CREBBP: variants seen among roughly 807,000 people sequenced by gnomAD.
CREBBP encodes CREB binding lysine acetyltransferase, also known as CREB-binding protein.
Under a neutral mutation model 265.0 loss-of-function variants are expected in CREBBP, and 19 were observed. That is an observed-to-expected ratio of 0.07 (90% CI 0.05 to 0.11). CREBBP has a LOEUF of 0.11. CREBBP is among the 10% of genes least tolerant of loss of function. The pLI is 1.00. For missense variants in CREBBP, 2,525 were observed against 3,219.0 expected (o/e 0.78, Z 5.22); for synonymous variants, 1,457 against 1,223.7 (o/e 1.19, Z -3.98).
At chr16:3,827,964 T>C (rs557282974) in intron 2 of CREBBP, among the ~76,000 whole-genome samples, 44 of 152,326 alleles carry the variant, frequency 2.9e-4, no homozygotes, top group African/African-American at 9.6e-4. Flanking sequence ...AGTGTTGGGA[T>C]TGCAGGTGTG....
intron 1 of CREBBP, among the ~76,000 whole-genome samples, chr16:3,861,503 G>A (rs1046455406): frequency 1.3e-5 from 2 of 152,056 alleles, no homozygotes; most frequent in Admixed American, 6.6e-5. Context: ...CAGAGCAGGC[G>A]CTCAACAGCC....
chr16:3,859,518 G>T (rs117688490), intron 1 of CREBBP, among the ~76,000 whole-genome samples: 1 of 152,180 alleles, frequency 6.6e-6, no homozygotes, highest in Non-Finnish European at 1.5e-5. Context: ...GTATGCTCAC[G>T]AATTGACTGA....
At chr16:3,853,860 C>T (rs1409878040) in intron 1 of CREBBP, among the ~76,000 whole-genome samples, 1 of 152,050 alleles carries the variant, frequency 6.6e-6, no homozygotes, top group Non-Finnish European at 1.5e-5. Context: ...TCGCTTGAAC[C>T]TGGGAGGTGG....
At chr16:3,838,010 C>A (rs1007632480) in intron 2 of CREBBP, among the ~76,000 whole-genome samples, 3 of 152,146 alleles carry the variant, frequency 2.0e-5, no homozygotes, top group East Asian at 3.8e-4. Flanking sequence ...CACCCGCCCA[C>A]CCCTGCCACA....
chr16:3,865,172 C>T (rs1462893577), intron 1 of CREBBP, among the ~76,000 whole-genome samples: 2 of 152,232 alleles, frequency 1.3e-5, no homozygotes, highest in Non-Finnish European at 2.9e-5. Context: ...GGAAAATTTG[C>T]TATGATCAAA....
At chr16:3,822,732 C>G (rs1180081201) in intron 2 of CREBBP, among the ~76,000 whole-genome samples, 1 of 152,230 alleles carries the variant, frequency 6.6e-6, no homozygotes, top group Non-Finnish European at 1.5e-5. Flanking sequence ...ATATGTGGCT[C>G]TACCTCTTAA....
chr16:3,785,302 C>A (rs2053359861), intron 5 of CREBBP, among the ~76,000 whole-genome samples: 1 of 152,250 alleles, frequency 6.6e-6, no homozygotes, highest in Non-Finnish European at 1.5e-5. Context: ...TGTATTCACT[C>A]ACTCACGTGA....
intron 3 of CREBBP, among the ~76,000 whole-genome samples, chr16:3,806,690 T>C (rs1396007795): frequency 6.6e-6 from 1 of 152,008 alleles, no homozygotes; most frequent in Non-Finnish European, 1.5e-5. Flanking sequence ...CTTGAACTTC[T>C]CCTCCTCACT....
chr16:3,791,628 T>C (rs2053509894), intron 5 of CREBBP, among the ~76,000 whole-genome samples: 1 of 152,184 alleles, frequency 6.6e-6, no homozygotes, highest in African/African-American at 2.4e-5. Flanking sequence ...TATAGCGACA[T>C]GGAATTTAAA....
intron 2 of CREBBP, among the ~76,000 whole-genome samples, chr16:3,825,009 G>C (rs1017947250): frequency 2.0e-5 from 3 of 152,166 alleles, no homozygotes; most frequent in Admixed American, 1.3e-4. Context: ...GTGCAATCTT[G>C]AGGTGGCTCT....
At chr16:3,816,994 CCTTT>C (rs1465852673) in intron 2 of CREBBP, among the ~76,000 whole-genome samples, 2 of 152,116 alleles carry the variant, frequency 1.3e-5, no homozygotes, top group Non-Finnish European at 2.9e-5. Flanking sequence ...GGAACAGTGC[CCTTT>C]CTATCTTCAA....
At chr16:3,807,968 T>C (rs1486348429) in intron 3 of CREBBP, among the ~76,000 whole-genome samples, 1 of 152,162 alleles carries the variant, frequency 6.6e-6, no homozygotes, top group Non-Finnish European at 1.5e-5. Flanking sequence ...CAGGCATTTG[T>C]GGATCTGTCT....
intron 19 of CREBBP, among the ~76,000 whole-genome samples, chr16:3,757,026 A>G (rs1250075216): frequency 6.6e-6 from 1 of 152,132 alleles, no homozygotes; most frequent in East Asian, 1.9e-4. Context: ...AAACCGAGCC[A>G]CTTTTTCTCT....
At chr16:3,869,706 G>A (rs529322420) in intron 1 of CREBBP, among the ~76,000 whole-genome samples, 38 of 152,228 alleles carry the variant, frequency 2.5e-4, no homozygotes, top group South Asian at 6.2e-4. Context: ...TAGACACAGC[G>A]TAGAGCCGCC....
rs2055504059 is a variant in CREBBP, at chr16:3,880,258, A to C, written c.-342T>G. ...GCCCCCCCGGGCCCGGCTGGCAGCGACGGCGCCCGGCCGGGCGGCTCAGGC... is the reference window on the plus strand; with the variant it reads ...GCCCCCCCGGGCCCGGCTGGCAGCGCCGGCGCCCGGCCGGGCGGCTCAGGC... On this transcript the variant is annotated 5_prime_UTR_variant, in exon 1 of 31. Transcript: ENST00000262367. 1.5e-5 allele frequency: 2 copies of C among 132,758 alleles called. No individual in the cohort carries two copies. Among genetic ancestry groups the C allele is most frequent in the African/African-American group, 2.8e-5 (1 of 36,180 alleles). 8.2% of individuals were successfully genotyped at this position (132,758 alleles called of 1,614,324 possible). A position where few individuals can be genotyped will look rare whatever the true frequency, so the allele number is the denominator to read the frequency against.
intron 3 of CREBBP, among the ~76,000 whole-genome samples, chr16:3,801,045 GACA>G (rs2053702086): frequency 6.6e-6 from 1 of 152,134 alleles, no homozygotes; most frequent in South Asian, 2.1e-4. Flanking sequence ...GTTCATTGAA[GACA>G]CACACATCCC....
At chr16:3,795,200 T>C (rs777987762) in intron 3 of CREBBP, among the ~76,000 whole-genome samples, 2 of 152,180 alleles carry the variant, frequency 1.3e-5, no homozygotes, top group African/African-American at 4.8e-5. Flanking sequence ...CAGAACACCA[T>C]GAATGCAGGG....
At chr16:3,866,995 T>C (rs2055190467) in intron 1 of CREBBP, among the ~76,000 whole-genome samples, 1 of 152,246 alleles carries the variant, frequency 6.6e-6, no homozygotes, top group Non-Finnish European at 1.5e-5. Flanking sequence ...TTACAATCTC[T>C]ACATTAATTA....
intron 24 of CREBBP, 82 bp downstream of exon 24, chr16:3,740,317 T>A (rs2151339328): frequency 6.4e-7 from 1 of 1,562,452 alleles, no homozygotes; most frequent in Non-Finnish European, 8.8e-7. Context: ...GACCTCAAAC[T>A]CAAGAGCTTT....
Sources: allele counts gnomAD v4.1 joint callset (sites outside exome capture counted in the v4.1 genomes callset), GRCh38; gene constraint gnomAD v4.1.1; transcripts MANE v1.5; gene names NCBI Gene and HGNC (gene_info 2026-07-23, HGNC 2026-07-21).